The following COMMD8 variants were observed in gnomAD, a reference collection of about 807,000 sequenced individuals.
COMMD8 encodes the protein COMM domain containing 8, also known as COMM domain-containing protein 8.
Under a neutral mutation model 27.2 loss-of-function variants are expected in COMMD8, and 28 were observed. The observed-to-expected ratio is 1.03, with a 90% CI of 0.76 to 1.41. The LOEUF is 1.41. COMMD8 is among the 40% of genes most tolerant of loss of function. The pLI is 0.00. For missense variants in COMMD8, 217 were observed against 211.2 expected (o/e 1.03, Z -0.17); for synonymous variants, 79 against 75.5 (o/e 1.05, Z -0.24).
At chr4:47,463,355 C>T (rs1730114723) in intron 1 of COMMD8, among the ~76,000 whole-genome samples, 1 of 152,256 alleles carries the variant, frequency 6.6e-6, no homozygotes, top group South Asian at 2.1e-4. Flanking sequence ...GGTGTGGGCG[C>T]TTCTGCGCGC....
chr4:47,451,219 A>G lies in COMMD8; in HGVS notation c.*426T>C, dbSNP rs1485100482. ...AGCTTATACATTCTTTGAAAAAATT[A>G]TTTTTTAAAAATATCACAAAGTATA... On this transcript the variant is annotated 3_prime_UTR_variant, in exon 5 of 5. Coordinates refer to ENST00000381571, the MANE Select transcript of COMMD8 (RefSeq NM_017845.5). The G allele has an allele frequency of 6.4e-6, 1 of 157,468 alleles. No individual in the cohort carries two copies. The highest frequency in any genetic ancestry group is 1.4e-5 in the Non-Finnish European group (1 of 71,668). The allele number at this position is 157,468 out of a possible 1,614,324, so 9.8% of individuals were successfully genotyped here.
At chr4:47,454,425 G>A (rs1449920422) in intron 3 of COMMD8, among the ~76,000 whole-genome samples, 2 of 152,062 alleles carry the variant, frequency 1.3e-5, no homozygotes, top group South Asian at 2.1e-4. Flanking sequence ...CACACACCAC[G>A]ATTTTAAGTT....
intron 2 of COMMD8, among the ~76,000 whole-genome samples, chr4:47,456,963 AC>A (rs1467850809): frequency 1.1e-4 from 16 of 152,218 alleles, no homozygotes; most frequent in Admixed American, 3.9e-4. Context: ...AAATGAATAC[AC>A]CTGGAAAACA....
intron 3 of COMMD8, among the ~76,000 whole-genome samples, chr4:47,455,023 T>A (rs982307653): frequency 6.6e-6 from 1 of 152,158 alleles, no homozygotes; most frequent in Non-Finnish European, 1.5e-5. Context: ...TTATTTATTT[T>A]TTTCTGAGAC....
chr4:47,462,015 C>T (rs115972700), intron 1 of COMMD8, among the ~76,000 whole-genome samples: 352 of 152,122 alleles, frequency 2.3e-3, no homozygotes, highest in African/African-American at 8.3e-3. Context: ...CATTTCTAGA[C>T]ACAAGCAAGT....
chr4:47,451,797 C>A (rs755460377), intron 4 of COMMD8, 132 bp from the exon 5 acceptor site: 137 of 603,328 alleles, frequency 2.3e-4, no homozygotes, highest in Non-Finnish European at 3.8e-4. Context: ...TGCACAGTAA[C>A]TGATGACATA....
chr4:47,460,277 C>T lies in COMMD8; in HGVS notation c.89G>A (p.Gly30Asp), dbSNP rs757377472. 3.0e-5 allele frequency: 49 copies of T among 1,608,610 alleles called. No homozygotes were observed. In the Admixed American group the frequency reaches 6.1e-4, roughly 20 times the overall value. Residue 30 changes from glycine (G) to aspartate (D), a missense_variant, in exon 2 of 5, where the codon GGC becomes GAC. Transcript: ENST00000381571. The stretch of plus-strand genomic sequence containing the variant: ...CACAGGATAAGCTCGACCACAAATG[C>T]CATCAATTATTTTGTGAAGAAGCTA... ...GPQLLHKIID[G>D]ICGRAYPVYQ...
chr4:47,454,771 A>G (rs1418555265), intron 3 of COMMD8, among the ~76,000 whole-genome samples: 1 of 145,466 alleles, frequency 6.9e-6, no homozygotes, highest in Non-Finnish European at 1.5e-5. Context: ...AGGCTGAGGC[A>G]GGAGAATCAC....
chr4:47,454,587 C>G (rs2109353976), intron 3 of COMMD8, among the ~76,000 whole-genome samples: 1 of 152,288 alleles, frequency 6.6e-6, no homozygotes, highest in East Asian at 1.9e-4. Flanking sequence ...GCAATTCTGT[C>G]AGGCACAGTG....
rs544698281 is a variant in COMMD8 at position 47,451,310 on chromosome 4, T to C, written c.*335A>G. The C allele has an allele frequency of 2.2e-5, 6 of 267,174 alleles. No individual in the cohort carries two copies. Among genetic ancestry groups the C allele is most frequent in the African/African-American group, 9.2e-5 (4 of 43,272 alleles). 16.6% of individuals were successfully genotyped at this position (267,174 alleles called of 1,614,324 possible). On this transcript the variant is annotated 3_prime_UTR_variant, in exon 5 of 5. Coordinates refer to ENST00000381571, the MANE Select transcript of COMMD8 (RefSeq NM_017845.5). ...AATATTCAAGTATATTTGTGCTTTA[T>C]ATTTTTACATTACTTTAGAACCTAT...
At chr4:47,457,965 G>T (rs1012646519) in intron 2 of COMMD8, among the ~76,000 whole-genome samples, 1 of 151,902 alleles carries the variant, frequency 6.6e-6, no homozygotes, top group Non-Finnish European at 1.5e-5. Context: ...GATCAAGTGG[G>T]GTTTATTTTG....
chr4:47,463,447 ACCACCC>A lies in COMMD8; in HGVS notation c.66+133_66+138del. The A allele has an allele frequency of 8.7e-6, 7 of 801,212 alleles. No homozygotes were observed. In the South Asian group the frequency reaches 1.2e-4, roughly 14 times the overall value. The allele number at this position is 801,212 out of a possible 1,614,324, so 49.6% of individuals were successfully genotyped here. A position where few individuals can be genotyped will look rare whatever the true frequency, so the allele number is the denominator to read the frequency against. ...GGCTCCCCAGGGAAGGCGGGGACCA[ACCACCC>A]GAAATCACGCCCCTTCCTCCTCCCT... On this transcript the variant is annotated intron_variant, in intron 1 of 4. Transcript: ENST00000381571.
intron 1 of COMMD8, among the ~76,000 whole-genome samples, 175 bp downstream of exon 1, chr4:47,463,411 C>A (rs564629879): frequency 1.3e-5 from 2 of 152,370 alleles, no homozygotes; most frequent in South Asian, 4.1e-4. Flanking sequence ...GCGCCCCAAG[C>A]TGTCCTCCTA....
rs750166039 is a variant in COMMD8 at position 47,453,019 on chromosome 4, C to T, written c.531+40G>A. 1.9e-6 allele frequency: 3 copies of T among 1,554,292 alleles called. No homozygotes were observed. The African/African-American group carries it at 4.2e-5, about 22-fold the overall frequency. On this transcript the variant is annotated intron_variant, in intron 4 of 4. Transcript: ENST00000381571. ...CGCAAACAAAAAAAAACCCCAAAAC[C>T]TTAAACATTCAAATCATATGACAAA...
intron 1 of COMMD8, among the ~76,000 whole-genome samples, chr4:47,460,980 C>A (rs1213519476): frequency 6.6e-6 from 1 of 152,150 alleles, no homozygotes; most frequent in African/African-American, 2.4e-5. Context: ...GTTCCAATCC[C>A]AGTTTCAGTA....
chr4:47,461,608 C>T (rs764052353), intron 1 of COMMD8, among the ~76,000 whole-genome samples: 7 of 151,714 alleles, frequency 4.6e-5, no homozygotes, highest in Non-Finnish European at 1.0e-4. Context: ...ATGTAATGAA[C>T]ACTTCATCCC....
intron 2 of COMMD8, among the ~76,000 whole-genome samples, chr4:47,458,585 A>T (rs1053635002): frequency 6.6e-6 from 1 of 152,140 alleles, no homozygotes; most frequent in African/African-American, 2.4e-5. Context: ...AACTTTGGAA[A>T]GCTAAATGTT....
At chr4:47,455,085 T>C (rs1461180128) in intron 3 of COMMD8, among the ~76,000 whole-genome samples, 2 of 151,904 alleles carry the variant, frequency 1.3e-5, no homozygotes, top group Non-Finnish European at 2.9e-5. Flanking sequence ...ATGATCTTGG[T>C]TCACTGCAAG....
intron 3 of COMMD8, among the ~76,000 whole-genome samples, chr4:47,455,243 T>C (rs1282678566): frequency 6.6e-6 from 1 of 152,172 alleles, no homozygotes; most frequent in East Asian, 1.9e-4. Context: ...CTCAAACTCC[T>C]GGCCTCAAGT....
Sources: gnomAD v4.1 joint callset for allele counts (sites outside exome capture counted in the v4.1 genomes callset) on GRCh38, gnomAD v4.1.1 for gene constraint, MANE v1.5 for transcripts, NCBI Gene and HGNC (gene_info 2026-07-23, HGNC 2026-07-21) for gene names.